The following EXOC1 variants were observed in gnomAD, a reference collection of about 807,000 sequenced individuals.
EXOC1 encodes SEC3-like 1.
EXOC1 carries 67 observed loss-of-function variants against 107.7 expected under a neutral mutation model. The ratio of observed to expected loss-of-function variants is 0.62; its 90% CI spans 0.51 to 0.76. The LOEUF (loss-of-function observed/expected upper bound fraction) is 0.76. Among genes scored for constraint, EXOC1 ranks in the 30% least tolerant of loss-of-function variants. The pLI, the probability that EXOC1 is intolerant of heterozygous loss-of-function variation, is 0.00. For missense variants in EXOC1, 833 were observed against 1,055.7 expected, an observed-to-expected ratio of 0.79 and a Z score of 2.92; for synonymous variants, 348 against 353.5, an observed-to-expected ratio of 0.98 and a Z score of 0.17.
rs776139212 is a variant in EXOC1 at position 55,902,438 on chromosome 4, A to C, written c.2432A>C (p.Lys811Thr). 8 of 1,594,146 alleles carry C rather than the reference A, an allele frequency of 5.0e-6. No homozygotes were observed. The highest frequency in any genetic ancestry group is 6.8e-6 in the Non-Finnish European group (8 of 1,171,794). ...GCATTTAACAAACAAGAACTTCGTA[A>C]AGTCATTAAGGAGTACCCTGGAAAG... ...QLAFNKQELR[K>T]VIKEYPGKEV... Residue 811 changes from lysine (K) to threonine (T), a missense_variant, in exon 18 of 19, where the codon AAA becomes ACA. By Grantham distance (78) the Lys-to-Thr change is moderately conservative. Transcript: ENST00000381295.
At chr4:55,885,542 T>G (rs893921155) in intron 10 of EXOC1, 1 of 152,164 alleles carries the variant, frequency 6.6e-6, no homozygotes, top group Non-Finnish European at 1.5e-5. Flanking sequence ...ATGTGTCTAT[T>G]AAATAGCAAG....
chr4:55,869,097 G>A (rs905201792), intron 5 of EXOC1, among the ~76,000 whole-genome samples: 10 of 152,126 alleles, frequency 6.6e-5, no homozygotes, highest in African/African-American at 2.4e-4. Context: ...CTGGGGCAGT[G>A]GCTTACACCT....
At chr4:55,862,142 G>A (rs903518331) in intron 3 of EXOC1, among the ~76,000 whole-genome samples, 1 of 152,064 alleles carries the variant, frequency 6.6e-6, no homozygotes, top group Non-Finnish European at 1.5e-5. Context: ...GTTGTTTTCT[G>A]TTAAGACAAA....
chr4:55,897,993 C>T (rs2109494303), intron 16 of EXOC1, among the ~76,000 whole-genome samples: 1 of 152,310 alleles, frequency 6.6e-6, no homozygotes, highest in Admixed American at 6.5e-5. Context: ...CAGTGGCCCA[C>T]ACCTGTAATC....
chr4:55,899,106 C>T (rs1049464831), intron 16 of EXOC1, among the ~76,000 whole-genome samples: 1 of 151,962 alleles, frequency 6.6e-6, no homozygotes, highest in Non-Finnish European at 1.5e-5. Context: ...TAAATTATCT[C>T]ACTATTTTAT....
At chr4:55,864,003 G>A (rs994540492) in intron 3 of EXOC1, among the ~76,000 whole-genome samples, 1 of 152,170 alleles carries the variant, frequency 6.6e-6, no homozygotes, top group Non-Finnish European at 1.5e-5. Flanking sequence ...AAGGGCATAG[G>A]AAGAAAATGA....
intron 3 of EXOC1, 105 bp downstream of exon 3, chr4:55,860,646 TTTG>T (rs1166307287): frequency 5.1e-6 from 7 of 1,363,262 alleles, no homozygotes; most frequent in Middle Eastern, 4.5e-4. Context: ...AATATATATG[TTTG>T]TTTTCTTATT....
chr4:55,884,021 A>G, intron 10 of EXOC1, 93 bp downstream of exon 10: 2 of 853,610 alleles, frequency 2.3e-6, no homozygotes, highest in Non-Finnish European at 3.6e-6. Context: ...AGGTGGAGGT[A>G]GATCCAGCAG....
chr4:55,866,714 T>C (rs59458672), intron 4 of EXOC1, among the ~76,000 whole-genome samples: 1 of 152,188 alleles, frequency 6.6e-6, no homozygotes, highest in East Asian at 1.9e-4. Context: ...TTATGGATCT[T>C]TCCACTTGGT....
chr4:55,862,367 A>G (rs1721558687), intron 3 of EXOC1, among the ~76,000 whole-genome samples: 1 of 151,646 alleles, frequency 6.6e-6, no homozygotes, highest in Non-Finnish European at 1.5e-5. Flanking sequence ...TATGCTATAT[A>G]TGGATATAAA....
rs200366620 is a variant in EXOC1 at position 55,904,498 on chromosome 4, C to G, written c.*3C>G. 3.8e-5 allele frequency: 61 copies of G among 1,600,768 alleles called. 1 individual carries two copies. The highest frequency in any genetic ancestry group is 8.5e-6 in the Non-Finnish European group (10 of 1,173,692). On this transcript the variant is annotated 3_prime_UTR_variant, in exon 19 of 19. Transcript: ENST00000381295. Reference sequence around the variant, plus strand: ...CCAGCATTGCACAGTCCCACTAAACCTTGTGAAAGAAGAAAAGATAACTGA... The same window carrying G: ...CCAGCATTGCACAGTCCCACTAAACGTTGTGAAAGAAGAAAAGATAACTGA...
intron 1 of EXOC1, among the ~76,000 whole-genome samples, chr4:55,857,160 C>CTTTTTTCTTTTTTT (rs1721052427): frequency 7.5e-6 from 1 of 133,432 alleles, no homozygotes; most frequent in African/African-American, 2.9e-5. Flanking sequence ...ACTTCATTTC[C>CTTTTTTCTTTTTTT]TTTTTTTCTT....
chr4:55,900,232 G>T (rs1008705610), intron 17 of EXOC1, among the ~76,000 whole-genome samples: 5 of 151,990 alleles, frequency 3.3e-5, no homozygotes, highest in African/African-American at 4.8e-5. Flanking sequence ...AAACTTGCCC[G>T]ACATCATAAT....
intron 11 of EXOC1, among the ~76,000 whole-genome samples, chr4:55,889,976 C>T (rs560689844): frequency 6.6e-6 from 1 of 152,272 alleles, no homozygotes; most frequent in East Asian, 1.9e-4. Flanking sequence ...TCCTTAAGGT[C>T]CCTTTCAGTC....
intron 10 of EXOC1, among the ~76,000 whole-genome samples, chr4:55,885,314 C>T (rs541933003): frequency 1.3e-5 from 2 of 152,022 alleles, no homozygotes; most frequent in South Asian, 4.2e-4. Flanking sequence ...AATAGTTTAT[C>T]GAGTCTAAGA....
chr4:55,888,944 T>TA lies in EXOC1; in HGVS notation c.1375+13dup. On this transcript the variant is annotated intron_variant, in intron 11 of 18. Transcript: ENST00000381295. ...ACAGGAAACAGAGAGTGAGTATGCT[T>TA]AGTGTATTAGTAGGTATTCTCAATG... The TA allele has an allele frequency of 6.2e-7, 1 of 1,612,964 alleles. No homozygotes were observed. The highest frequency in any genetic ancestry group is 8.5e-7 in the Non-Finnish European group (1 of 1,179,114).
chr4:55,900,094 T>C (rs1725725948), intron 17 of EXOC1, among the ~76,000 whole-genome samples: 2 of 152,190 alleles, frequency 1.3e-5, no homozygotes, highest in South Asian at 4.1e-4. Context: ...ATTATTTATC[T>C]ACTATATTTT....
rs1047129656 is a variant in EXOC1, at chr4:55,891,088, G to A, written c.1540-227G>A. 2.0e-5 allele frequency among the ~76,000 whole-genome samples: 3 copies of A among 152,020 alleles called. No homozygotes were observed. In the South Asian group the frequency reaches 6.2e-4, roughly 31 times the overall value. ...CTTTCCAGATGTGAAGTGAATAACT[G>A]TGAGTTTTATTTTAGGTTTATTTTG... On this transcript the variant is annotated intron_variant, in intron 12 of 18. Transcript: ENST00000381295.
chr4:55,898,284 A>G (rs1390963316), intron 16 of EXOC1, among the ~76,000 whole-genome samples: 4 of 152,130 alleles, frequency 2.6e-5, no homozygotes, highest in African/African-American at 9.7e-5. Context: ...GAATGAATGA[A>G]TTCATTATTC....
Sources: gnomAD v4.1 joint callset for allele counts (sites outside exome capture counted in the v4.1 genomes callset) on GRCh38, gnomAD v4.1.1 for gene constraint, MANE v1.5 for transcripts, NCBI Gene and HGNC (gene_info 2026-07-23, HGNC 2026-07-21) for gene names.